The following LMO7 variants were observed in gnomAD, a reference collection of about 807,000 sequenced individuals.
LMO7 encodes the protein LIM domain only protein 7.
In LMO7, 120 loss-of-function variants were observed where a neutral mutation model predicts 206.5. That is an observed-to-expected ratio of 0.58 (90% confidence interval 0.50 to 0.68). The LOEUF is 0.68. LMO7 is among the 30% of genes least tolerant of loss of function. The pLI is 0.00. For synonymous variants in LMO7, 706 were observed against 681.5 expected (o/e 1.04, Z -0.56); for missense variants, 1,959 against 1,957.9 (o/e 1.00, Z -0.01).
intron 4 of LMO7, among the ~76,000 whole-genome samples, 165 bp downstream of exon 4, chr13:75,761,203 G>A (rs544344702): frequency 2.8e-4 from 43 of 152,182 alleles, no homozygotes; most frequent in African/African-American, 9.2e-4. Context: ...AAATGGCTTA[G>A]GGACTGTGAA....
At chr13:75,724,825 A>G (rs1323711) in intron 2 of LMO7, among the ~76,000 whole-genome samples, 2,227 of 152,250 alleles carry the variant, frequency 0.015, 53 homozygotes, top group African/African-American at 0.049. Context: ...AATTGTGACT[A>G]CTAACAAAAT....
intron 1 of LMO7, among the ~76,000 whole-genome samples, chr13:75,672,240 A>ATTTTTT (rs568135884): frequency 7.6e-6 from 1 of 131,556 alleles, no homozygotes; most frequent in African/African-American, 2.8e-5. Flanking sequence ...TTAAAAAAAG[A>ATTTTTT]TTTTTTTTTT....
At chr13:75,705,644 C>T (rs2042597730) in intron 1 of LMO7, among the ~76,000 whole-genome samples, 1 of 152,154 alleles carries the variant, frequency 6.6e-6, no homozygotes, top group Non-Finnish European at 1.5e-5. Context: ...CCTTAAATAA[C>T]TTGCTAATGA....
chr13:75,685,219 G>A (rs1488441072), intron 1 of LMO7, among the ~76,000 whole-genome samples: 1 of 152,156 alleles, frequency 6.6e-6, no homozygotes, highest in Non-Finnish European at 1.5e-5. Context: ...ATTTTGCATA[G>A]CAGATACTCA....
At chr13:75,827,479 C>T (rs12430940) in intron 15 of LMO7, among the ~76,000 whole-genome samples, 19,775 of 152,222 alleles carry the variant, frequency 0.13, 1,702 homozygotes, top group Admixed American at 0.21. Context: ...ATAGGAATTT[C>T]CTTTTCATCC....
intron 16 of LMO7, among the ~76,000 whole-genome samples, chr13:75,833,558 A>G (rs2058861786): frequency 6.6e-6 from 1 of 152,052 alleles, no homozygotes; most frequent in South Asian, 2.1e-4. Context: ...GTTCTAATAT[A>G]CCTATTGCCC....
chr13:75,661,686 C>T (rs748548944), intron 1 of LMO7, among the ~76,000 whole-genome samples: 9 of 152,174 alleles, frequency 5.9e-5, no homozygotes, highest in Non-Finnish European at 1.3e-4. Flanking sequence ...GTCCCCTGCG[C>T]CAGTACTGTG....
intron 4 of LMO7, among the ~76,000 whole-genome samples, chr13:75,773,265 AT>A (rs1334513128): frequency 2.6e-5 from 4 of 152,072 alleles, no homozygotes; most frequent in South Asian, 2.1e-4. Flanking sequence ...AGGTGGGCAG[AT>A]TGGAGGCAGG....
At chr13:75,825,247 A>G (rs2058007248) in intron 15 of LMO7, among the ~76,000 whole-genome samples, 1 of 152,222 alleles carries the variant, frequency 6.6e-6, no homozygotes, top group South Asian at 2.1e-4. Context: ...ATACTTGGGC[A>G]ACATAAGGTA....
Position 75,835,295 on chromosome 13 carries a change from A to C in LMO7, c.3289A>C (p.Asn1097His), listed in dbSNP as rs150551801. 4 of 1,610,114 alleles carry C rather than the reference A, an allele frequency of 2.5e-6. No homozygotes were observed. The African/African-American group carries it at 5.4e-5, about 22-fold the overall frequency. Residue 1097 changes from asparagine (N) to histidine (H), a missense_variant, in exon 18 of 31, where the codon AAT becomes CAT. By Grantham distance (68) the Asn-to-His change is moderately conservative. Transcript: ENST00000377534. The part of the protein sequence containing the change: ...SGIYNSEKSS[N>H]LSVTTDFSES... Reference sequence around the variant, plus strand: ...AATTTACAACTCAGAAAAATCTTCAAATCTATCTGTAACAACTGATTTCTC... The same window carrying C: ...AATTTACAACTCAGAAAAATCTTCACATCTATCTGTAACAACTGATTTCTC...
chr13:75,781,096 CTTTTT>C (rs367937964), intron 4 of LMO7, among the ~76,000 whole-genome samples: 2 of 41,918 alleles, frequency 4.8e-5, no homozygotes, highest in Non-Finnish European at 4.1e-5. Flanking sequence ...CTCTATTTTC[CTTTTT>C]TTTTTTTTTT....
chr13:75,672,919 A>ATG (rs35138253), intron 1 of LMO7, among the ~76,000 whole-genome samples: 2 of 151,700 alleles, frequency 1.3e-5, no homozygotes, highest in African/African-American at 2.4e-5. Flanking sequence ...GTGACTTGAT[A>ATG]TGTGTGTGTG....
chr13:75,721,664 A>G (rs1256198991), intron 2 of LMO7, among the ~76,000 whole-genome samples: 1 of 152,208 alleles, frequency 6.6e-6, no homozygotes, highest in Non-Finnish European at 1.5e-5. Flanking sequence ...ATGGCTGAGT[A>G]GTATTCCATG....
At chr13:75,845,034 C>T (rs1374063288) in intron 25 of LMO7, among the ~76,000 whole-genome samples, 3 of 152,056 alleles carry the variant, frequency 2.0e-5, no homozygotes, top group Admixed American at 6.6e-5. Context: ...GGGTGAACAT[C>T]GACAACAATT....
chr13:75,832,961 A>G (rs1305247907), intron 15 of LMO7, 90 bp from the exon 16 acceptor site: 2 of 704,378 alleles, frequency 2.8e-6, no homozygotes, highest in Non-Finnish European at 5.2e-6. Flanking sequence ...AAGTCTACCT[A>G]GCGTGCAGTC....
At chr13:75,703,051 A>C (rs557212535) in intron 1 of LMO7, among the ~76,000 whole-genome samples, 5 of 152,164 alleles carry the variant, frequency 3.3e-5, no homozygotes, top group Non-Finnish European at 7.4e-5. Context: ...CTACTGACAA[A>C]ACTAGGATGG....
At chr13:75,766,182 G>A (rs2048843942) in intron 4 of LMO7, among the ~76,000 whole-genome samples, 2 of 149,932 alleles carry the variant, frequency 1.3e-5, no homozygotes, top group South Asian at 4.2e-4. Flanking sequence ...CGCCTATGTT[G>A]ACTTAATCCA....
chr13:75,781,775 C>G (rs1027071934), intron 4 of LMO7, among the ~76,000 whole-genome samples: 2 of 152,160 alleles, frequency 1.3e-5, no homozygotes, highest in African/African-American at 4.8e-5. Flanking sequence ...TTCTCCACAT[C>G]CTCTCCAGCA....
rs555454593 is a variant in LMO7, at chr13:75,809,743, A to G, written c.1946+560A>G. Among the ~76,000 whole-genome samples the G allele has an allele frequency of 3.9e-5, 6 of 152,254 alleles. No homozygotes were observed. The South Asian group carries it at 8.3e-4, about 21-fold the overall frequency. On this transcript the variant is annotated intron_variant, in intron 11 of 30. Transcript: ENST00000377534. ...TCCTGATTAGGAAAAAAAAGTTATAACATGGCTATATTTATAGTGCAAAAT... is the reference window on the plus strand; with the variant it reads ...TCCTGATTAGGAAAAAAAAGTTATAGCATGGCTATATTTATAGTGCAAAAT...
Sources: allele counts gnomAD v4.1 joint callset (sites outside exome capture counted in the v4.1 genomes callset), GRCh38; gene constraint gnomAD v4.1.1; transcripts MANE v1.5; gene names NCBI Gene and HGNC (gene_info 2026-07-23, HGNC 2026-07-21).